PPP6R3: variants seen among roughly 807,000 people sequenced by gnomAD.
PPP6R3 encodes protein phosphatase 6 regulatory subunit 3, also known as serine/threonine-protein phosphatase 6 regulatory subunit 3.
A neutral mutation model predicts 110.7 loss-of-function variants in PPP6R3; 38 were observed. The observed-to-expected ratio is 0.34, with a 90% confidence interval of 0.26 to 0.45. The LOEUF is 0.45. Among genes scored for constraint, PPP6R3 ranks in the 20% least tolerant of loss-of-function variants. The probability of loss-of-function intolerance (pLI) is 1.00; values close to 1 mark genes in which losing one functional copy is unlikely to be tolerated. For missense variants in PPP6R3, 870 were observed against 1,062.4 expected, an observed-to-expected ratio of 0.82 and a Z score of 2.52; for synonymous variants, 369 against 373.5, an observed-to-expected ratio of 0.99 and a Z score of 0.14.
At chr11:68,576,171 T>C in intron 14 of PPP6R3, 128 bp downstream of exon 14, 1 of 661,730 alleles carries the variant, frequency 1.5e-6, no homozygotes. Context: ...CTTATCTCTT[T>C]ACCAGGGAGA....
At chr11:68,496,366 G>A (rs1191604444) in intron 1 of PPP6R3, among the ~76,000 whole-genome samples, 1 of 151,660 alleles carries the variant, frequency 6.6e-6, no homozygotes, top group African/African-American at 2.4e-5. Context: ...TTTTGAGACG[G>A]GGTCTCTCTG....
intron 7 of PPP6R3, among the ~76,000 whole-genome samples, chr11:68,555,911 A>G (rs2099397600): frequency 6.6e-6 from 1 of 152,170 alleles, no homozygotes; most frequent in African/African-American, 2.4e-5. Context: ...AGAACCAACC[A>G]CTTCTAATAT....
chr11:68,465,872 A>T (rs1414409086), intron 1 of PPP6R3, among the ~76,000 whole-genome samples: 1 of 152,234 alleles, frequency 6.6e-6, no homozygotes, highest in African/African-American at 2.4e-5. Context: ...TAAGATAGTT[A>T]CACTTTGTTA....
chr11:68,508,083 T>C (rs1272886612), intron 1 of PPP6R3, among the ~76,000 whole-genome samples: 3 of 148,590 alleles, frequency 2.0e-5, no homozygotes, highest in Admixed American at 6.7e-5. Flanking sequence ...AGCAGATTAC[T>C]ACTGCTTTTT....
chr11:68,466,353 A>G (rs901311123), intron 1 of PPP6R3, among the ~76,000 whole-genome samples: 3 of 152,122 alleles, frequency 2.0e-5, no homozygotes, highest in African/African-American at 4.8e-5. Context: ...TAGGTTGGCT[A>G]CGTGGTAAAG....
Position 68,587,914 on chromosome 11 carries a change from C to T in PPP6R3, c.1633-13C>T, listed in dbSNP as rs2099583827. 1 of 1,606,904 alleles carries T rather than the reference C, an allele frequency of 6.2e-7. No individual in the cohort carries two copies. On this transcript the variant is annotated splice_polypyrimidine_tract_variant and intron_variant, in intron 15 of 23. Coordinates refer to ENST00000393800, the MANE Select transcript of PPP6R3 (RefSeq NM_001164161.2). ...AATCATTATATCACTGTCACTGGTCCTGGGGTTGCCAGGCCTTTTCTGATT... is the reference window on the plus strand; with the variant it reads ...AATCATTATATCACTGTCACTGGTCTTGGGGTTGCCAGGCCTTTTCTGATT...
chr11:68,479,631 C>T (rs893354933), intron 1 of PPP6R3, among the ~76,000 whole-genome samples: 3 of 151,964 alleles, frequency 2.0e-5, no homozygotes, highest in Non-Finnish European at 2.9e-5. Context: ...TAGCTTCTAA[C>T]CTCTTTCTTT....
chr11:68,582,534 A>G (rs1194291684), intron 14 of PPP6R3, among the ~76,000 whole-genome samples: 1 of 152,226 alleles, frequency 6.6e-6, no homozygotes, highest in Non-Finnish European at 1.5e-5. Context: ...CACATTTAGT[A>G]CTACTAGACA....
chr11:68,542,201 A>G (rs1032792470), intron 3 of PPP6R3, among the ~76,000 whole-genome samples: 1 of 151,414 alleles, frequency 6.6e-6, no homozygotes, highest in South Asian at 2.1e-4. Context: ...TGACCTCAGG[A>G]GCAAGGGCCA....
At chr11:68,462,828 G>GTA (rs2098717914) in intron 1 of PPP6R3, among the ~76,000 whole-genome samples, 1 of 152,158 alleles carries the variant, frequency 6.6e-6, no homozygotes, top group Admixed American at 6.5e-5. Flanking sequence ...TTGGTTTGCT[G>GTA]TATTGGAGAT....
intron 3 of PPP6R3, among the ~76,000 whole-genome samples, chr11:68,543,805 C>T (rs1032958967): frequency 1.4e-4 from 22 of 152,172 alleles, no homozygotes; most frequent in Non-Finnish European, 2.6e-4. Flanking sequence ...ATAGGCTCAA[C>T]GTCTCTGTTG....
rs2099371825 is a variant in PPP6R3, at chr11:68,551,177, A to G, written c.609A>G (p.Gln203=). The G allele has an allele frequency of 1.9e-6, 3 of 1,609,412 alleles. No homozygotes were observed. The South Asian group carries it at 3.3e-5, about 18-fold the overall frequency. ...TTGTGGAAATAGTTCATCCATCGCA[A>G]GAAGAAGATGTAAGTTCACTTGTGT... ...QRLVEIVHPS[Q]EEDRHSNASQ... Residue 203 remains glutamine, a synonymous_variant, in exon 6 of 24, where the codon CAA becomes CAG. Transcript: ENST00000393800.
intron 16 of PPP6R3, among the ~76,000 whole-genome samples, chr11:68,589,231 A>G (rs761244611): frequency 1.8e-4 from 28 of 152,026 alleles, no homozygotes; most frequent in Admixed American, 3.9e-4. Flanking sequence ...AACAATAATA[A>G]TAATAATAAA....
At chr11:68,550,947 T>C (rs920204675) in intron 5 of PPP6R3, 174 bp from the exon 6 acceptor site, 1 of 554,148 alleles carries the variant, frequency 1.8e-6, no homozygotes, top group South Asian at 2.6e-5. Context: ...TAAAACAATA[T>C]ATTCACTGGC....
chr11:68,605,436 A>G (rs1359935502), intron 22 of PPP6R3, among the ~76,000 whole-genome samples: 3 of 152,264 alleles, frequency 2.0e-5, no homozygotes, highest in South Asian at 2.1e-4. Flanking sequence ...TTATAATTCA[A>G]TGAGGAAAGA....
chr11:68,608,671 G>A (rs1346834437), intron 22 of PPP6R3, among the ~76,000 whole-genome samples: 2 of 152,230 alleles, frequency 1.3e-5, no homozygotes, highest in Non-Finnish European at 2.9e-5. Flanking sequence ...ATGTAGAGTG[G>A]TAGGTGCACG....
intron 1 of PPP6R3, among the ~76,000 whole-genome samples, chr11:68,478,610 A>G (rs1277644833): frequency 7.5e-6 from 1 of 133,330 alleles, no homozygotes; most frequent in Non-Finnish European, 1.6e-5. Flanking sequence ...ATAGTTTATA[A>G]TTTGACTCTC....
intron 2 of PPP6R3, among the ~76,000 whole-genome samples, chr11:68,524,274 C>G (rs1003879213): frequency 1.3e-5 from 2 of 152,174 alleles, no homozygotes; most frequent in Non-Finnish European, 2.9e-5. Context: ...CAGTACAAGA[C>G]AGGTCTTCTC....
At position 68,569,812 on chromosome 11, in the gene PPP6R3, T is replaced by A; in HGVS notation, c.1193T>A (p.Leu398Gln). The change falls in exon 11 of 24, where the codon CTG becomes CAG. Residue 398 changes from leucine (L) to glutamine (Q), a missense_variant. Transcript: ENST00000393800. ...ACACAAGTGGAAATTTGTATTGCAC[T>A]GATTCTTGCAAGTCCTTTTGAAAAC... is the stretch of plus-strand genomic sequence containing the variant. Reference protein sequence around the residue: ...LHTQVEICIALILASPFENTE... With the variant: ...LHTQVEICIAQILASPFENTE... 6.2e-7 allele frequency: 1 copy of A among 1,611,262 alleles called. No homozygotes were observed. Among genetic ancestry groups the A allele is most frequent in the Non-Finnish European group, 8.5e-7 (1 of 1,177,816 alleles).
Sources: allele counts gnomAD v4.1 joint callset (sites outside exome capture counted in the v4.1 genomes callset), GRCh38; gene constraint gnomAD v4.1.1; transcripts MANE v1.5; gene names NCBI Gene and HGNC (gene_info 2026-07-23, HGNC 2026-07-21).